ZCCHC14: variants seen among roughly 807,000 people sequenced by gnomAD.
ZCCHC14 encodes the protein zinc finger CCHC domain-containing protein 14.
In ZCCHC14, 16 loss-of-function variants were observed where a neutral mutation model predicts 85.0. That is an observed-to-expected ratio of 0.19 (90% confidence interval 0.13 to 0.29). The LOEUF (loss-of-function observed/expected upper bound fraction) is 0.29, where lower values mean the gene tolerates loss of function less well. Ranked by LOEUF, ZCCHC14 falls within the 10% of genes least tolerant of loss-of-function variation. The pLI, the probability that ZCCHC14 is intolerant of heterozygous loss-of-function variation, is 1.00. For missense variants in ZCCHC14, 1,303 were observed against 1,443.5 expected (o/e 0.90, Z 1.58); for synonymous variants, 775 against 630.7 (o/e 1.23, Z -3.43).
chr16:87,490,977 G>A (rs1244983820), intron 1 of ZCCHC14, among the ~76,000 whole-genome samples: 1 of 152,236 alleles, frequency 6.6e-6, no homozygotes, highest in Non-Finnish European at 1.5e-5. Flanking sequence ...AGACGGGGAA[G>A]CCCCAGCGCC....
In ZCCHC14 at chr16:87,460,103, C is replaced by G; in HGVS notation, c.599G>C (p.Ser200Thr). The change falls in exon 2 of 13, where the codon AGC (serine) becomes ACC (threonine). Residue 200 changes from serine (S) to threonine (T), a missense_variant. Physicochemically the swap from Ser to Thr is moderately conservative, Grantham distance 58 (BLOSUM62 1). Coordinates refer to ENST00000671377, the MANE Select transcript of ZCCHC14 (RefSeq NM_015144.3). The stretch of plus-strand genomic sequence containing the variant: ...ATTCTCCAAACTATTACTGACACTG[C>G]TGACAGGGGCCTCAGTTCTTGGAGT... ...KITPRTEAPV[S>T]SVSNSLENAL... 1 of 1,614,166 alleles carries G rather than the reference C, an allele frequency of 6.2e-7. No homozygotes were observed. The highest frequency in any genetic ancestry group is 2.2e-5 in the East Asian group (1 of 44,872).
intron 1 of ZCCHC14, among the ~76,000 whole-genome samples, chr16:87,486,741 C>A (rs753190939): frequency 2.0e-5 from 3 of 152,100 alleles, no homozygotes; most frequent in Non-Finnish European, 4.4e-5. Context: ...ACAACAACAA[C>A]AAAAAAAGCA....
At chr16:87,471,308 G>C (rs940439344) in intron 1 of ZCCHC14, 1 of 152,238 alleles carries the variant, frequency 6.6e-6, no homozygotes, top group African/African-American at 2.4e-5. Flanking sequence ...CAAGAAGACA[G>C]ACAGTTTAAG....
In ZCCHC14 at chr16:87,408,689, G is replaced by A. The variant is rs117724101; in HGVS notation, c.*1591C>T. ...ACTAAAAGCCTGTCATAAAAAAAAT[G>A]TAACAACTTTCTGCTTTAGTTTCTA... On this transcript the variant is annotated 3_prime_UTR_variant, in exon 13 of 13. Coordinates refer to ENST00000671377, the MANE Select transcript of ZCCHC14 (RefSeq NM_015144.3). 1 of 152,416 alleles carries A rather than the reference G, an allele frequency of 6.6e-6. No homozygotes were observed. Among genetic ancestry groups the A allele is most frequent in the African/African-American group, 2.4e-5 (1 of 41,442 alleles). The allele number at this position is 152,416 out of a possible 1,614,324, so 9.4% of individuals were successfully genotyped here.
rs542723254 is a variant in ZCCHC14, at chr16:87,491,303, T to G, written c.570+366A>C. On this transcript the variant is annotated intron_variant, in intron 1 of 12. Coordinates refer to ENST00000671377, the MANE Select transcript of ZCCHC14 (RefSeq NM_015144.3). This position sits in a 1 kb window ranked among gnomAD's most constrained non-coding sequence, Gnocchi z 5.9. ...AGGCTTTGGGGCACGCAGAGGGGAC[T>G]GAGGGTGTGGGCTCAGGGCCGCGGT... Among the ~76,000 whole-genome samples, 1 of 152,190 alleles carries G rather than the reference T, an allele frequency of 6.6e-6. No homozygotes were observed. Among genetic ancestry groups the G allele is most frequent in the Non-Finnish European group, 1.5e-5 (1 of 68,034 alleles).
chr16:87,461,565 A>G (rs1038661589), intron 1 of ZCCHC14, among the ~76,000 whole-genome samples: 1 of 152,138 alleles, frequency 6.6e-6, no homozygotes, highest in African/African-American at 2.4e-5. Flanking sequence ...CTTTCATCTC[A>G]TACCTGGACG....
chr16:87,443,556 C>T (rs763130687), intron 2 of ZCCHC14, among the ~76,000 whole-genome samples: 6 of 151,572 alleles, frequency 4.0e-5, no homozygotes, highest in Admixed American at 2.0e-4. Context: ...GGCAACATGG[C>T]GAGACCCCAT....
rs543765081 is a variant in ZCCHC14, at chr16:87,433,934, G to A, written c.695-733C>T. 5.9e-5 allele frequency among the ~76,000 whole-genome samples: 9 copies of A among 152,316 alleles called. No homozygotes were observed. In the South Asian group the frequency reaches 1.4e-3, roughly 25 times the overall value. The stretch of plus-strand genomic sequence containing the variant: ...GCTGGATTTACAGGCGAAAGCCACC[G>A]TGCCTGGCCTTTCTTTTCAGGAGAA... On this transcript the variant is annotated intron_variant, in intron 2 of 12. Transcript: ENST00000671377.
At chr16:87,459,957 G>C in intron 2 of ZCCHC14, 51 bp downstream of exon 2, 1 of 1,612,720 alleles carries the variant, frequency 6.2e-7, no homozygotes, top group Non-Finnish European at 8.5e-7. Context: ...TCTGGGGTGT[G>C]CCCATCCTCC....
chr16:87,431,223 C>G (rs1597412931), intron 3 of ZCCHC14, among the ~76,000 whole-genome samples: 1 of 152,016 alleles, frequency 6.6e-6, no homozygotes, highest in South Asian at 2.1e-4. Flanking sequence ...CCTGTAATCC[C>G]AGCACTTTGG....
intron 1 of ZCCHC14, among the ~76,000 whole-genome samples, chr16:87,477,724 T>C (rs1288630129): frequency 6.6e-6 from 1 of 152,144 alleles, no homozygotes; most frequent in African/African-American, 2.4e-5. Context: ...TGCGACACCC[T>C]CAGAGCAGCC....
chr16:87,418,485 G>A (rs1008871913), intron 7 of ZCCHC14, among the ~76,000 whole-genome samples: 1 of 152,150 alleles, frequency 6.6e-6, no homozygotes, highest in South Asian at 2.1e-4. Context: ...CTGTGTTGCC[G>A]GCATACGACT....
intron 2 of ZCCHC14, among the ~76,000 whole-genome samples, chr16:87,433,673 T>C (rs1190736633): frequency 6.6e-6 from 1 of 152,036 alleles, no homozygotes; most frequent in Non-Finnish European, 1.5e-5. Context: ...TCTTCTTTTT[T>C]CTTTTTTTTT....
rs1337929822 is a variant in ZCCHC14 at position 87,412,262 on chromosome 16, A to G, written c.2459T>C (p.Val820Ala). 3 of 1,612,316 alleles carry G rather than the reference A, an allele frequency of 1.9e-6. No homozygotes were observed. The highest frequency in any genetic ancestry group is 2.5e-6 in the Non-Finnish European group (3 of 1,178,692). Reference sequence around the variant, plus strand: ...CATACTGCTCATTGCAGAAAAGGCAACTTTGGTGTTGGCTGTGTACAGAGC... The same window carrying G: ...CATACTGCTCATTGCAGAAAAGGCAGCTTTGGTGTTGGCTGTGTACAGAGC... ...RTALYTANTK[V>A]AFSAMSSMPV... Residue 820 changes from valine to alanine, a missense_variant, in exon 12 of 13, where the codon GTT becomes GCT. Around this residue, in one of 7 missense-constraint regions of ZCCHC14, gnomAD observed 797 missense variants for 730.8 expected, o/e 1.09. Coordinates refer to ENST00000671377, the MANE Select transcript of ZCCHC14 (RefSeq NM_015144.3).
intron 3 of ZCCHC14, among the ~76,000 whole-genome samples, chr16:87,426,964 G>A (rs963929264): frequency 2.6e-5 from 4 of 152,228 alleles, no homozygotes; most frequent in East Asian, 3.8e-4. Flanking sequence ...GCAGGAAGAC[G>A]AGGCAGCCGT....
At chr16:87,457,862 C>T (rs1309670998) in intron 2 of ZCCHC14, among the ~76,000 whole-genome samples, 3 of 152,062 alleles carry the variant, frequency 2.0e-5, no homozygotes, top group African/African-American at 2.4e-5. Context: ...CAACAGAAAC[C>T]GCGACCCTCT....
At chr16:87,426,309 G>A (rs1909369099) in intron 3 of ZCCHC14, among the ~76,000 whole-genome samples, 2 of 152,190 alleles carry the variant, frequency 1.3e-5, no homozygotes, top group Non-Finnish European at 2.9e-5. Flanking sequence ...GGGGACACGT[G>A]TCCAACCATA....
chr16:87,489,204 T>C (rs112235059), intron 1 of ZCCHC14, among the ~76,000 whole-genome samples: 5 of 152,300 alleles, frequency 3.3e-5, no homozygotes, highest in African/African-American at 1.2e-4. Context: ...AGCTTAGCAG[T>C]GACACTAGGG....
intron 2 of ZCCHC14, among the ~76,000 whole-genome samples, chr16:87,444,948 T>C (rs940266241): frequency 7.2e-5 from 11 of 152,236 alleles, no homozygotes; most frequent in African/African-American, 2.7e-4. Flanking sequence ...AGAAAACACA[T>C]GATCACGATT....
Sources: allele counts gnomAD v4.1 joint callset (sites outside exome capture counted in the v4.1 genomes callset), GRCh38; gene constraint gnomAD v4.1.1; regional missense constraint gnomAD v4.1.1; non-coding constraint Gnocchi (gnomAD v3.1); transcripts MANE v1.5; gene names NCBI Gene and HGNC (gene_info 2026-07-23, HGNC 2026-07-21).